Variants in PCDH7 observed in about 807,000 individuals in gnomAD.
PCDH7 encodes the protein protocadherin 7.
In PCDH7, 17 loss-of-function variants were observed where a neutral mutation model predicts 58.9. That is an observed-to-expected ratio of 0.29 (90% CI 0.20 to 0.43). PCDH7 has a LOEUF of 0.43. Ranked by LOEUF, PCDH7 falls within the 20% of genes least tolerant of loss-of-function variation. The pLI, the probability that PCDH7 is intolerant of heterozygous loss-of-function variation, is 1.00. For missense variants in PCDH7, 1,274 were observed against 1,441.0 expected, an observed-to-expected ratio of 0.88 and a Z score of 1.88; for synonymous variants, 664 against 616.4, an observed-to-expected ratio of 1.08 and a Z score of -1.14.
At chr4:30,742,442 T>C (rs1045782233) in intron 1 of PCDH7, among the ~76,000 whole-genome samples, 1 of 152,134 alleles carries the variant, frequency 6.6e-6, no homozygotes, top group East Asian at 1.9e-4. Context: ...AGAACAGACA[T>C]GGCTTCGAAA....
intron 1 of PCDH7, among the ~76,000 whole-genome samples, chr4:30,756,933 A>G (rs1362780662): frequency 6.6e-6 from 1 of 152,132 alleles, no homozygotes; most frequent in Non-Finnish European, 1.5e-5. Context: ...AGAGGCTTGG[A>G]TCTTTCAGCC....
At chr4:30,877,400 G>A (rs1166600744) in intron 1 of PCDH7, among the ~76,000 whole-genome samples, 1 of 152,134 alleles carries the variant, frequency 6.6e-6, no homozygotes. Context: ...ACCTCGTAGT[G>A]TATTGATTAG....
chr4:31,120,943 C>T (rs1404089168), intron 3 of PCDH7, among the ~76,000 whole-genome samples: 1 of 152,064 alleles, frequency 6.6e-6, no homozygotes, highest in Non-Finnish European at 1.5e-5. Context: ...TAATCAATTC[C>T]CATGATGATG....
At chr4:31,022,226 A>T (rs1054541258) in intron 3 of PCDH7, among the ~76,000 whole-genome samples, 13 of 152,176 alleles carry the variant, frequency 8.5e-5, no homozygotes, top group African/African-American at 2.7e-4. Flanking sequence ...TAAAAATCTC[A>T]TGTGTTTAAT....
intron 3 of PCDH7, among the ~76,000 whole-genome samples, chr4:31,049,185 T>C (rs1413793679): frequency 1.3e-5 from 2 of 152,066 alleles, no homozygotes; most frequent in Non-Finnish European, 2.9e-5. Flanking sequence ...GTGTGTGATG[T>C]TCCCCTTCCT....
intron 1 of PCDH7, among the ~76,000 whole-genome samples, chr4:30,911,402 C>T (rs557183700): frequency 1.3e-4 from 20 of 148,224 alleles, no homozygotes; most frequent in African/African-American, 4.5e-4. Flanking sequence ...TTTTACACTC[C>T]GTTGGCAAAG....
At chr4:30,891,456 T>G (rs1197777954) in intron 1 of PCDH7, among the ~76,000 whole-genome samples, 1 of 152,032 alleles carries the variant, frequency 6.6e-6, no homozygotes, top group African/African-American at 2.4e-5. Context: ...TGTATATAAA[T>G]ATGTAGAATA....
chr4:30,933,110 T>A (rs1471743036), intron 2 of PCDH7, among the ~76,000 whole-genome samples: 1 of 151,682 alleles, frequency 6.6e-6, no homozygotes, highest in Non-Finnish European at 1.5e-5. Flanking sequence ...CACTGCAACC[T>A]CCGCTTCCTG....
intron 1 of PCDH7, among the ~76,000 whole-genome samples, chr4:30,834,179 C>G (rs369672317): frequency 7.2e-5 from 11 of 152,194 alleles, no homozygotes; most frequent in East Asian, 5.8e-4. Flanking sequence ...CCAGGGCCCA[C>G]TTCTAGGGCA....
At chr4:30,915,626 C>T (rs556194337) in intron 1 of PCDH7, among the ~76,000 whole-genome samples, 1 of 151,988 alleles carries the variant, frequency 6.6e-6, no homozygotes, top group East Asian at 1.9e-4. Context: ...CGGGTTCAAG[C>T]GATTCTCCTG....
At chr4:31,118,531 A>G (rs977610092) in intron 3 of PCDH7, among the ~76,000 whole-genome samples, 41 of 152,142 alleles carry the variant, frequency 2.7e-4, no homozygotes, top group Admixed American at 2.6e-3. Context: ...TAGTGTCAGT[A>G]ACTCCTAAAA....
intron 3 of PCDH7, among the ~76,000 whole-genome samples, chr4:31,081,584 T>TAA (rs1759512591): frequency 2.0e-5 from 3 of 152,160 alleles, no homozygotes; most frequent in Non-Finnish European, 2.9e-5. Context: ...TGCAACATTA[T>TAA]TAGTTTTGGT....
chr4:30,814,217 G>A (rs189431392), intron 1 of PCDH7, among the ~76,000 whole-genome samples: 2 of 151,868 alleles, frequency 1.3e-5, no homozygotes, highest in East Asian at 1.9e-4. Context: ...GTGTGTGTGT[G>A]TATATATATG....
At chr4:31,042,739 A>T (rs1404254279) in intron 3 of PCDH7, among the ~76,000 whole-genome samples, 1 of 152,222 alleles carries the variant, frequency 6.6e-6, no homozygotes, top group Admixed American at 6.5e-5. Context: ...GATAACATAA[A>T]AAAAGAGATT....
chr4:30,848,373 A>G (rs1309799987), intron 1 of PCDH7, among the ~76,000 whole-genome samples: 1 of 152,148 alleles, frequency 6.6e-6, no homozygotes, highest in Non-Finnish European at 1.5e-5. Flanking sequence ...GCAAAATTAT[A>G]ATTTTAATAT....
chr4:31,092,101 C>G (rs1477198173), intron 3 of PCDH7, among the ~76,000 whole-genome samples: 1 of 151,526 alleles, frequency 6.6e-6, no homozygotes, highest in Non-Finnish European at 1.5e-5. Flanking sequence ...GTGCCTGGTA[C>G]AATGTTGATG....
chr4:30,919,448 A>G (rs1742905960), intron 1 of PCDH7, among the ~76,000 whole-genome samples: 1 of 152,174 alleles, frequency 6.6e-6, no homozygotes, highest in South Asian at 2.1e-4. Context: ...AAGGCTGTAC[A>G]TGATTTTACT....
At chr4:30,724,242 C>T (rs74996332) in exon 1 of PCDH7, 2 of 1,613,142 alleles carry the variant, frequency 1.2e-6, no homozygotes, top group African/African-American at 1.3e-5. Context: ...ACAAGAAAAA[C>T]AAAAAATCTA....
chr4:30,893,229 C>G (rs776973868), intron 1 of PCDH7, among the ~76,000 whole-genome samples: 1 of 152,036 alleles, frequency 6.6e-6, no homozygotes, highest in Non-Finnish European at 1.5e-5. Flanking sequence ...CAATATATTT[C>G]TTTAACCGTT....
Sources: allele counts gnomAD v4.1 joint callset (sites outside exome capture counted in the v4.1 genomes callset), GRCh38; gene constraint gnomAD v4.1.1; transcripts MANE v1.5; gene names NCBI Gene and HGNC (gene_info 2026-07-23, HGNC 2026-07-21).